TUBA4B: variants seen among roughly 807,000 people sequenced by gnomAD.
TUBA4B encodes the protein tubulin alpha 4b.
TUBA4B carries 13 observed loss-of-function variants against 18.4 expected under a neutral mutation model. That is an observed-to-expected ratio of 0.71 (90% CI 0.46 to 1.12). The LOEUF is 1.12. TUBA4B is among the 50% of genes most tolerant of loss of function. The pLI is 0.00. For synonymous variants in TUBA4B, 101 were observed against 99.1 expected, an observed-to-expected ratio of 1.02 and a Z score of -0.11; for missense variants, 244 against 250.0, an observed-to-expected ratio of 0.98 and a Z score of 0.16.
intron 1 of TUBA4B, among the ~76,000 whole-genome samples, chr2:219,259,434 A>T (rs1198237286): frequency 1.3e-5 from 2 of 152,000 alleles, no homozygotes; most frequent in East Asian, 3.8e-4. Context: ...GGATGTATAC[A>T]GATCTCCAGA....
intron 1 of TUBA4B, 130 bp downstream of exon 1, chr2:219,253,549 C>T: frequency 1.2e-6 from 1 of 817,838 alleles, no homozygotes; most frequent in Non-Finnish European, 2.0e-6. Context: ...GGCGCGGGCC[C>T]GCGTGACTCT....
At chr2:219,265,850 G>C (rs1951786292) in intron 1 of TUBA4B, among the ~76,000 whole-genome samples, 1 of 152,206 alleles carries the variant, frequency 6.6e-6, no homozygotes, top group Non-Finnish European at 1.5e-5. Context: ...GAGAGCAACA[G>C]CTGTTTTGGA....
chr2:219,259,187 G>T (rs147973993), intron 1 of TUBA4B, among the ~76,000 whole-genome samples: 1,584 of 151,228 alleles, frequency 0.01, 31 homozygotes, highest in African/African-American at 0.036. Context: ...GGGCATGGTG[G>T]CAGGCACCTG....
intron 2 of TUBA4B, among the ~76,000 whole-genome samples, chr2:219,269,965 T>A (rs1013909749): frequency 6.6e-6 from 1 of 152,144 alleles, no homozygotes; most frequent in Admixed American, 6.5e-5. Flanking sequence ...GAACTCCACA[T>A]GTACAGAATC....
Position 219,270,305 on chromosome 2 carries a change from C to T in TUBA4B, c.162C>T (p.Ile54=), listed in dbSNP as rs1272359150. 6 of 753,180 alleles carry T rather than the reference C, an allele frequency of 8.0e-6. No homozygotes were observed. The highest frequency in any genetic ancestry group is 4.9e-5 in the East Asian group (2 of 40,548). The allele number at this position is 753,180 out of a possible 1,614,324, so 46.7% of individuals were successfully genotyped here. Residue 54 remains isoleucine, a synonymous_variant, in exon 3 of 4, where the codon ATC becomes ATT. Transcript: ENST00000490341. ...WGHYTIGKEF[I]DLLLDRIRKL... is the part of the protein sequence containing the mutation. ...ACTACACCATTGGGAAGGAGTTCATCGACCTGCTACTGGACCGGATTCGGA... is the reference window on the plus strand; with the variant it reads ...ACTACACCATTGGGAAGGAGTTCATTGACCTGCTACTGGACCGGATTCGGA...
chr2:219,270,123 T>C, intron 2 of TUBA4B, 79 bp from the exon 3 acceptor site: 2 of 672,320 alleles, frequency 3.0e-6, no homozygotes, highest in Admixed American at 4.1e-5. Flanking sequence ...TCCCTTCAGG[T>C]CCCCTGGGGC....
intron 1 of TUBA4B, chr2:219,253,848 G>T (rs777818814): frequency 6.7e-7 from 1 of 1,503,758 alleles, no homozygotes; most frequent in Admixed American, 2.5e-5. Context: ...CGGCCGGGCC[G>T]CACTCACCAT....
At chr2:219,268,888 G>T (rs909506851) in intron 2 of TUBA4B, among the ~76,000 whole-genome samples, 2 of 152,172 alleles carry the variant, frequency 1.3e-5, no homozygotes, top group African/African-American at 4.8e-5. Context: ...TTGACCCCAG[G>T]AGTTTAAGAC....
At position 219,266,510 on chromosome 2, in the gene TUBA4B, C is replaced by G; in HGVS notation, c.13-11C>G. On this transcript the variant is annotated splice_polypyrimidine_tract_variant and intron_variant, in intron 1 of 3. Transcript: ENST00000490341. ...CCTCTCACAGATCTATCCCTGCTCA[C>G]TATCCTGCAGCAGACAGAGAGACAA... 1 of 702,954 alleles carries G rather than the reference C, an allele frequency of 1.4e-6. No individual in the cohort carries two copies. Among genetic ancestry groups the G allele is most frequent in the South Asian group, 1.5e-5 (1 of 67,600 alleles). 43.5% of individuals were successfully genotyped at this position (702,954 alleles called of 1,614,324 possible).
At chr2:219,264,875 C>T (rs973288424) in intron 1 of TUBA4B, among the ~76,000 whole-genome samples, 1 of 152,186 alleles carries the variant, frequency 6.6e-6, no homozygotes, top group Non-Finnish European at 1.5e-5. Flanking sequence ...AACATGAGGG[C>T]CCATTTGAGG....
intron 2 of TUBA4B, among the ~76,000 whole-genome samples, chr2:219,267,880 C>A (rs1422567125): frequency 1.3e-5 from 2 of 152,034 alleles, no homozygotes; most frequent in African/African-American, 4.8e-5. Flanking sequence ...GAGTTCTTTG[C>A]CCCAAAACTG....
At chr2:219,267,413 G>T (rs554080804) in intron 2 of TUBA4B, among the ~76,000 whole-genome samples, 1 of 152,232 alleles carries the variant, frequency 6.6e-6, no homozygotes, top group South Asian at 2.1e-4. Context: ...TTAATAAGCA[G>T]AACTAAGCAA....
At chr2:219,253,783 G>A in intron 1 of TUBA4B, 2 of 1,515,028 alleles carry the variant, frequency 1.3e-6, no homozygotes, top group African/African-American at 2.8e-5. Context: ...CCCCGAGCAT[G>A]CCTGGAAGAA....
At chr2:219,259,131 TA>T (rs1951743069) in intron 1 of TUBA4B, among the ~76,000 whole-genome samples, 1 of 133,562 alleles carries the variant, frequency 7.5e-6, no homozygotes, top group South Asian at 2.2e-4. Flanking sequence ...AAATAATAAA[TA>T]AATAAATAAA....
intron 1 of TUBA4B, chr2:219,254,033 G>C (rs529736438): frequency 5.1e-6 from 3 of 591,952 alleles, no homozygotes; most frequent in South Asian, 3.7e-5. Context: ...GAGGGTAAGC[G>C]GCCCCCCCGA....
intron 2 of TUBA4B, among the ~76,000 whole-genome samples, chr2:219,266,926 T>C (rs1299199441): frequency 6.6e-6 from 1 of 152,130 alleles, no homozygotes; most frequent in East Asian, 1.9e-4. Flanking sequence ...CTCCAGACCC[T>C]GGGCCTTGCC....
At chr2:219,253,966 C>A (rs1327555125) in intron 1 of TUBA4B, 18 of 1,126,604 alleles carry the variant, frequency 1.6e-5, no homozygotes. Flanking sequence ...GGGGGCGGGG[C>A]CCGCGTTCCC....
intron 3 of TUBA4B, 78 bp downstream of exon 3, chr2:219,270,413 G>A: frequency 1.5e-6 from 1 of 683,692 alleles, no homozygotes; most frequent in Non-Finnish European, 2.7e-6. Context: ...CACCAGATTG[G>A]GGAAGGACAG....
At chr2:219,270,164 G>A (rs1241342105) in intron 2 of TUBA4B, 38 bp from the exon 3 acceptor site, 2 of 705,180 alleles carry the variant, frequency 2.8e-6, no homozygotes, top group Non-Finnish European at 5.2e-6. Flanking sequence ...GGGAGGTGGG[G>A]CCCAAAACTC....
Sources: gnomAD v4.1 joint callset for allele counts (sites outside exome capture counted in the v4.1 genomes callset) on GRCh38, gnomAD v4.1.1 for gene constraint, MANE v1.5 for transcripts, NCBI Gene and HGNC (gene_info 2026-07-23, HGNC 2026-07-21) for gene names.